Variants in WHRN observed in about 807,000 individuals in gnomAD.
WHRN encodes the protein CASK-interacting protein CIP98.
WHRN carries 41 observed loss-of-function variants against 68.3 expected under a neutral mutation model. The observed-to-expected ratio is 0.60, with a 90% CI of 0.47 to 0.78. The LOEUF is 0.78. Ranked by LOEUF, WHRN falls within the 30% of genes least tolerant of loss-of-function variation. The pLI, the probability that WHRN is intolerant of heterozygous loss-of-function variation, is 0.00. For synonymous variants in WHRN, 560 were observed against 561.3 expected (o/e 1.00, Z 0.03); for missense variants, 1,243 against 1,244.7 (o/e 1.00, Z 0.02).
At chr9:114,415,290 C>G (rs1282811314) in intron 7 of WHRN, among the ~76,000 whole-genome samples, 1 of 149,574 alleles carries the variant, frequency 6.7e-6, no homozygotes, top group Non-Finnish European at 1.5e-5. Flanking sequence ...AAAAAAAACA[C>G]AAACAGGATC....
intron 1 of WHRN, among the ~76,000 whole-genome samples, chr9:114,499,463 C>A (rs1285178000): frequency 6.6e-6 from 1 of 152,212 alleles, no homozygotes; most frequent in South Asian, 2.1e-4. Context: ...CAATCAGATT[C>A]GCTGGTCCTG....
chr9:114,493,334 G>A (rs1381348090), intron 1 of WHRN, among the ~76,000 whole-genome samples: 2 of 107,388 alleles, frequency 1.9e-5, no homozygotes, highest in African/African-American at 7.4e-5. Context: ...CTGGCCAACA[G>A]AATAAGACCC....
rs1589229419 is a variant in WHRN at position 114,478,598 on chromosome 9, G to A, written c.792C>T (p.Asp264=). 3 of 1,613,936 alleles carry A rather than the reference G, an allele frequency of 1.9e-6. No homozygotes were observed. Among genetic ancestry groups the A allele is most frequent in the African/African-American group, 1.3e-5 (1 of 74,928 alleles). ...HGGALRQQEG[D]RRSTLHLLQG... ...GCAGGAGGTGCAGGGTGCTCCTCCG[G>A]TCACCCTCCTGCTGCCTCAGGGCAC... is the stretch of plus-strand genomic sequence containing the variant. The change falls in exon 2 of 12, where the codon GAC becomes GAT. Residue 264 remains aspartate (D), a synonymous_variant. Transcript: ENST00000362057.
intron 9 of WHRN, 33 bp downstream of exon 9, chr9:114,406,322 A>G: frequency 6.2e-7 from 1 of 1,613,252 alleles, no homozygotes. Flanking sequence ...AGGGACCCCC[A>G]AGGACCACAG....
At chr9:114,470,731 A>G (rs1478137203) in intron 2 of WHRN, among the ~76,000 whole-genome samples, 1 of 152,110 alleles carries the variant, frequency 6.6e-6, no homozygotes, top group Admixed American at 6.5e-5. Flanking sequence ...CTGCACCTTA[A>G]GGCCTTGGAA....
chr9:114,450,447 G>A (rs1225240695), intron 3 of WHRN, among the ~76,000 whole-genome samples: 1 of 152,168 alleles, frequency 6.6e-6, no homozygotes, highest in Non-Finnish European at 1.5e-5. Context: ...GGGTGTTAGA[G>A]GACAGAGCCA....
chr9:114,452,089 A>C (rs1839387578), intron 3 of WHRN, among the ~76,000 whole-genome samples: 1 of 151,756 alleles, frequency 6.6e-6, no homozygotes, highest in African/African-American at 2.4e-5. Flanking sequence ...TATTTCTGTT[A>C]CTACTATTTC....
At chr9:114,494,495 C>A (rs1330589296) in intron 1 of WHRN, among the ~76,000 whole-genome samples, 1 of 152,164 alleles carries the variant, frequency 6.6e-6, no homozygotes, top group Non-Finnish European at 1.5e-5. Context: ...GAATCAGAGA[C>A]GTTAGGAAGC....
At chr9:114,502,279 C>G (rs1363629792) in intron 1 of WHRN, among the ~76,000 whole-genome samples, 3 of 152,210 alleles carry the variant, frequency 2.0e-5, no homozygotes, top group African/African-American at 7.2e-5. Flanking sequence ...TCAGCTCACA[C>G]AGGCTCCTGC....
chr9:114,445,632 T>C (rs1167020660), intron 3 of WHRN, among the ~76,000 whole-genome samples: 2 of 152,110 alleles, frequency 1.3e-5, no homozygotes, highest in East Asian at 3.9e-4. Context: ...CCTCCCTCTA[T>C]GTTTGGGGGT....
At chr9:114,454,701 T>C (rs1329836392) in intron 3 of WHRN, among the ~76,000 whole-genome samples, 1 of 151,782 alleles carries the variant, frequency 6.6e-6, no homozygotes, top group Non-Finnish European at 1.5e-5. Context: ...TTTTTTTAGG[T>C]ATTTACAAGC....
chr9:114,416,456 A>C (rs1835822285), intron 7 of WHRN, among the ~76,000 whole-genome samples: 2 of 152,250 alleles, frequency 1.3e-5, no homozygotes, highest in South Asian at 4.1e-4. Flanking sequence ...TCATGCGAGC[A>C]GATTTCCCTT....
intron 3 of WHRN, among the ~76,000 whole-genome samples, chr9:114,450,161 C>A (rs1245004285): frequency 2.6e-5 from 4 of 152,072 alleles, no homozygotes; most frequent in Non-Finnish European, 1.5e-5. Context: ...GAGGCAAAGC[C>A]CAGTTATCTG....
At chr9:114,467,324 G>C (rs143668805) in intron 2 of WHRN, among the ~76,000 whole-genome samples, 2 of 152,224 alleles carry the variant, frequency 1.3e-5, no homozygotes, top group East Asian at 3.9e-4. Flanking sequence ...TCCTGCTCCT[G>C]AGGGGCCCGC....
At chr9:114,488,778 G>A (rs1842739450) in intron 1 of WHRN, among the ~76,000 whole-genome samples, 1 of 152,296 alleles carries the variant, frequency 6.6e-6, no homozygotes, top group Middle Eastern at 3.4e-3. Context: ...TGTCTTCCAA[G>A]CTCCTTCCAT....
intron 1 of WHRN, among the ~76,000 whole-genome samples, chr9:114,502,506 T>TGGAGC (rs1375437254): frequency 7.6e-6 from 1 of 132,332 alleles, no homozygotes; most frequent in Non-Finnish European, 1.6e-5. Context: ...AGAGAAGATC[T>TGGAGC]GGAGCGGGCT....
At chr9:114,455,713 C>CAAAAAAAA (rs34546424) in intron 3 of WHRN, among the ~76,000 whole-genome samples, 1 of 123,342 alleles carries the variant, frequency 8.1e-6, no homozygotes. Flanking sequence ...GACCCTGTCT[C>CAAAAAAAA]AAAAAAAAAA....
At chr9:114,458,556 G>A (rs529957875) in intron 3 of WHRN, among the ~76,000 whole-genome samples, 1 of 149,298 alleles carries the variant, frequency 6.7e-6, no homozygotes, top group African/African-American at 2.6e-5. Context: ...CTTGAGCAGC[G>A]GGGCTTGGAG....
chr9:114,416,967 C>A (rs969398318), intron 7 of WHRN, among the ~76,000 whole-genome samples: 1 of 152,322 alleles, frequency 6.6e-6, no homozygotes. Flanking sequence ...AGAATCTGTG[C>A]AATTAAGCCC....
Sources: allele counts gnomAD v4.1 joint callset (sites outside exome capture counted in the v4.1 genomes callset), GRCh38; gene constraint gnomAD v4.1.1; transcripts MANE v1.5; gene names NCBI Gene and HGNC (gene_info 2026-07-23, HGNC 2026-07-21).